Variants in FAM107B observed in about 807,000 individuals in gnomAD.
FAM107B encodes family with sequence similarity 107 member B.
Under a neutral mutation model 31.5 loss-of-function variants are expected in FAM107B, and 21 were observed. The ratio of observed to expected loss-of-function variants is 0.67; its 90% CI spans 0.47 to 0.96. The LOEUF is 0.96. FAM107B is among the 40% of genes least tolerant of loss of function. FAM107B has a pLI of 0.00. For synonymous variants in FAM107B, 157 were observed against 141.5 expected, an observed-to-expected ratio of 1.11 and a Z score of -0.78; for missense variants, 452 against 377.1, an observed-to-expected ratio of 1.20 and a Z score of -1.64.
intron 2 of FAM107B, chr10:14,548,527 G>A: frequency 1.0e-6 from 1 of 985,464 alleles, no homozygotes; most frequent in Non-Finnish European, 1.2e-6. Context: ...ATCGCTTGGA[G>A]GTGGCAGGAG....
intron 1 of FAM107B, among the ~76,000 whole-genome samples, chr10:14,736,051 A>AGT (rs1218944924): frequency 6.6e-6 from 1 of 152,174 alleles, no homozygotes; most frequent in African/African-American, 2.4e-5. Context: ...AAAAGGGAAA[A>AGT]GAAGAGGGGG....
At chr10:14,568,835 C>T (rs1850938853) in intron 2 of FAM107B, among the ~76,000 whole-genome samples, 1 of 151,202 alleles carries the variant, frequency 6.6e-6, no homozygotes, top group Admixed American at 6.6e-5. Flanking sequence ...AAGAGCAGTC[C>T]CAGGAACCTG....
rs1446740608 is a variant in FAM107B at position 14,762,129 on chromosome 10, G to T, written c.411+12124C>A. 2.6e-5 allele frequency among the ~76,000 whole-genome samples: 4 copies of T among 151,782 alleles called. No homozygotes were observed. In the East Asian group the frequency reaches 7.7e-4, roughly 29 times the overall value. On this transcript the variant is annotated intron_variant, in intron 1 of 4. Coordinates refer to ENST00000181796, the MANE Select transcript of FAM107B (RefSeq NM_031453.4). ...AGACCCAGGTTCTTTCTTGTCTTCT[G>T]CCGCCATCCCTAGATTGTTTGTTTT...
chr10:14,659,366 A>C (rs1484028626), intron 2 of FAM107B, among the ~76,000 whole-genome samples: 1 of 151,958 alleles, frequency 6.6e-6, no homozygotes, highest in East Asian at 1.9e-4. Flanking sequence ...GCTGGTGGGG[A>C]GGGGGCAGAG....
intron 2 of FAM107B, among the ~76,000 whole-genome samples, chr10:14,603,952 T>C (rs1484465315): frequency 7.4e-5 from 11 of 148,952 alleles, no homozygotes; most frequent in African/African-American, 1.5e-4. Context: ...AAGGCAACAA[T>C]GAGCCGGGCG....
At chr10:14,560,065 C>G (rs888154909) in intron 2 of FAM107B, among the ~76,000 whole-genome samples, 3 of 152,170 alleles carry the variant, frequency 2.0e-5, no homozygotes, top group Non-Finnish European at 4.4e-5. Flanking sequence ...CTCTACAACC[C>G]GTTGCTCTAC....
chr10:14,713,116 T>C (rs1169691941), intron 1 of FAM107B, among the ~76,000 whole-genome samples: 2 of 152,168 alleles, frequency 1.3e-5, no homozygotes, highest in African/African-American at 4.8e-5. Context: ...TCCCTCTCTC[T>C]GGCTAATCAG....
intron 1 of FAM107B, among the ~76,000 whole-genome samples, chr10:14,757,203 A>T (rs1246962267): frequency 6.6e-6 from 1 of 152,180 alleles, no homozygotes; most frequent in African/African-American, 2.4e-5. Context: ...CCAACCAAAC[A>T]AAAACCATAC....
chr10:14,524,181 A>C (rs1282635680), intron 3 of FAM107B, among the ~76,000 whole-genome samples: 1 of 151,992 alleles, frequency 6.6e-6, no homozygotes, highest in African/African-American at 2.4e-5. Flanking sequence ...AGCTGGGATT[A>C]CAGGTGCCCG....
At chr10:14,592,572 C>T (rs532495611) in intron 2 of FAM107B, among the ~76,000 whole-genome samples, 46 of 152,126 alleles carry the variant, frequency 3.0e-4, no homozygotes, top group Non-Finnish European at 5.4e-4. Context: ...CTTTGTTTTT[C>T]GTGTATCTTT....
intron 2 of FAM107B, among the ~76,000 whole-genome samples, chr10:14,533,936 G>C (rs56839544): frequency 0.17 from 25,185 of 152,138 alleles, 2,460 homozygotes; most frequent in Middle Eastern, 0.27. Flanking sequence ...AGGAGGGGGG[G>C]GCTGCGGTTG....
At chr10:14,530,724 C>T (rs61836245) in intron 2 of FAM107B, among the ~76,000 whole-genome samples, 46 of 152,300 alleles carry the variant, frequency 3.0e-4, no homozygotes, top group Admixed American at 6.5e-4. Flanking sequence ...TCGTCTTGCC[C>T]ATGACTAAGG....
At chr10:14,755,227 T>C (rs913834894) in intron 1 of FAM107B, among the ~76,000 whole-genome samples, 2 of 152,174 alleles carry the variant, frequency 1.3e-5, no homozygotes, top group Non-Finnish European at 2.9e-5. Flanking sequence ...TGGAGAAATC[T>C]ATTTTGAGCA....
chr10:14,770,306 T>C (rs1171182976), intron 1 of FAM107B, among the ~76,000 whole-genome samples: 3 of 152,048 alleles, frequency 2.0e-5, no homozygotes, highest in Non-Finnish European at 2.9e-5. Flanking sequence ...GGGTGGATCA[T>C]GAGGTCAGGA....
chr10:14,636,174 T>A lies in FAM107B; in HGVS notation c.469+31460A>T, dbSNP rs1266216087. Among the ~76,000 whole-genome samples, 6 of 151,318 alleles carry A rather than the reference T, an allele frequency of 4.0e-5. 1 individual carries two copies. The highest frequency in any genetic ancestry group is 1.5e-5 in the Non-Finnish European group (1 of 67,968). ...CTTCACCAATCAATCTGAGCACCCC[T>A]CATCCCCATACACAATGGTGGCATC... On this transcript the variant is annotated intron_variant, in intron 2 of 4. Coordinates refer to ENST00000181796, the MANE Select transcript of FAM107B (RefSeq NM_031453.4).
At position 14,616,077 on chromosome 10, in the gene FAM107B, T is replaced by G. The variant is rs80111957; in HGVS notation, c.469+51557A>C. On this transcript the variant is annotated intron_variant, in intron 2 of 4. Transcript: ENST00000181796. ...TATTTTAAAACTTTCTAAAAGAGGT[T>G]GGATATGTCCCTGCTATGTTAAATA... is the stretch of plus-strand genomic sequence containing the variant. 5.3e-5 allele frequency among the ~76,000 whole-genome samples: 8 copies of G among 152,342 alleles called. No individual in the cohort carries two copies. In the East Asian group the frequency reaches 1.3e-3, roughly 26 times the overall value.
chr10:14,566,587 C>T (rs1420977656), intron 2 of FAM107B, among the ~76,000 whole-genome samples: 10 of 152,240 alleles, frequency 6.6e-5, no homozygotes, highest in African/African-American at 2.2e-4. Flanking sequence ...AGGCTGTGCC[C>T]GGGCTCCTGA....
chr10:14,714,852 G>C (rs1287278885), intron 1 of FAM107B, among the ~76,000 whole-genome samples: 1 of 152,172 alleles, frequency 6.6e-6, no homozygotes, highest in African/African-American at 2.4e-5. Flanking sequence ...CATCTGAGTA[G>C]TGTGGCATTA....
At chr10:14,623,842 G>A (rs777295921) in intron 2 of FAM107B, among the ~76,000 whole-genome samples, 2 of 152,160 alleles carry the variant, frequency 1.3e-5, no homozygotes, top group African/African-American at 2.4e-5. Context: ...TAAGTAAATC[G>A]CTCACACTTG....
Sources: gnomAD v4.1 joint callset for allele counts (sites outside exome capture counted in the v4.1 genomes callset) on GRCh38, gnomAD v4.1.1 for gene constraint, MANE v1.5 for transcripts, NCBI Gene and HGNC (gene_info 2026-07-23, HGNC 2026-07-21) for gene names.